CRYGN: variants seen among roughly 807,000 people sequenced by gnomAD.
CRYGN encodes the protein gamma-crystallin N.
CRYGN carries 17 observed loss-of-function variants against 19.2 expected under a neutral mutation model. The ratio of observed to expected loss-of-function variants is 0.89; its 90% CI spans 0.61 to 1.33. The LOEUF (loss-of-function observed/expected upper bound fraction) is 1.33. Among genes scored for constraint, CRYGN ranks in the 40% most tolerant of loss-of-function variants. The probability of loss-of-function intolerance (pLI) is 0.00; values close to 1 mark genes in which losing one functional copy is unlikely to be tolerated. For missense variants in CRYGN, 239 were observed against 239.6 expected (o/e 1.00, Z 0.02); for synonymous variants, 84 against 85.8 (o/e 0.98, Z 0.12).
rs1197695969 is a variant in CRYGN, at chr7:151,435,707, C to T, written c.416+473G>A. On this transcript the variant is annotated intron_variant, in intron 3 of 3. Transcript: ENST00000337323. The surrounding 1 kb of genome is among the most constrained non-coding windows in gnomAD (Gnocchi z 4.2). ...TCAGGGGTCAGCTCTGCGGGGTAGGCGCGGGGGCAGGGTGGGCTGGTCCAC... is the reference window on the plus strand; with the variant it reads ...TCAGGGGTCAGCTCTGCGGGGTAGGTGCGGGGGCAGGGTGGGCTGGTCCAC... 2.0e-5 allele frequency among the ~76,000 whole-genome samples: 3 copies of T among 148,422 alleles called. No homozygotes were observed. The highest frequency in any genetic ancestry group is 2.1e-4 in the East Asian group (1 of 4,836).
chr7:151,439,063 C>T (rs1801695018), intron 1 of CRYGN: 2 of 152,224 alleles, frequency 1.3e-5, no homozygotes, highest in Admixed American at 6.5e-5. Flanking sequence ...AGGGTCCTGC[C>T]AGAGTGCAGT....
At position 151,431,479 on chromosome 7, in the gene CRYGN, C is replaced by G. The variant is rs1189039620; in HGVS notation, c.417-1299G>C. Among the ~76,000 whole-genome samples the G allele has an allele frequency of 1.3e-5, 2 of 152,152 alleles. No homozygotes were observed. On this transcript the variant is annotated intron_variant, in intron 3 of 3. Transcript: ENST00000337323. The surrounding 1 kb of genome is among the most constrained non-coding windows in gnomAD (Gnocchi z 4.8). ...GAATTCTACAGGCGAGCGCTTGGTGCTGCACCAGCTGAAGACGCGAGCCGC... is the reference window on the plus strand; with the variant it reads ...GAATTCTACAGGCGAGCGCTTGGTGGTGCACCAGCTGAAGACGCGAGCCGC...
In CRYGN at chr7:151,433,776, G is replaced by A. The variant is rs1030995896; in HGVS notation, c.416+2404C>T. The A allele has an allele frequency of 1.9e-5, 3 of 154,550 alleles. No individual in the cohort carries two copies. The highest frequency in any genetic ancestry group is 4.8e-5 in the African/African-American group (2 of 41,530). The allele number at this position is 154,550 out of a possible 1,614,324, so 9.6% of individuals were successfully genotyped here. On this transcript the variant is annotated intron_variant, in intron 3 of 3. Coordinates refer to ENST00000337323, the MANE Select transcript of CRYGN (RefSeq NM_144727.3). The surrounding 1 kb of genome is among the most constrained non-coding windows in gnomAD (Gnocchi z 5.1). The stretch of plus-strand genomic sequence containing the variant: ...GTTCTCACATGGACACCCCCAAAAG[G>A]AGGGGGCGGGGAACCACCCATCCTG...
At chr7:151,439,641 G>A (rs765039783) in intron 1 of CRYGN, among the ~76,000 whole-genome samples, 3 of 152,152 alleles carry the variant, frequency 2.0e-5, no homozygotes, top group Non-Finnish European at 4.4e-5. Context: ...CAGGGAGTCT[G>A]AACACCCTCC....
At position 151,431,893 on chromosome 7, in the gene CRYGN, C is replaced by T. The variant is rs531587236; in HGVS notation, c.417-1713G>A. Reference sequence around the variant, plus strand: ...AACCGGCCTGGGTTCCGGCCCTGCCCCATCCCCATTGCTTCTCACCACCTC... The same window carrying T: ...AACCGGCCTGGGTTCCGGCCCTGCCTCATCCCCATTGCTTCTCACCACCTC... On this transcript the variant is annotated intron_variant, in intron 3 of 3. Coordinates refer to ENST00000337323, the MANE Select transcript of CRYGN (RefSeq NM_144727.3). This position sits in a 1 kb window ranked among gnomAD's most constrained non-coding sequence, Gnocchi z 4.8. 6 of 287,596 alleles carry T rather than the reference C, an allele frequency of 2.1e-5. No homozygotes were observed. In the East Asian group the frequency reaches 3.3e-4, roughly 16 times the overall value. The allele number at this position is 287,596 out of a possible 1,614,324, so 17.8% of individuals were successfully genotyped here. A position where few individuals can be genotyped will look rare whatever the true frequency, so the allele number is the denominator to read the frequency against.
rs1259367893 is a variant in CRYGN at position 151,440,074 on chromosome 7, C to T, written c.-157G>A. ...GGGCCACCAGGCGGTTGGGACCCGCCGCGGCCACCCTGTGCCACCGCGAGT... is the reference window on the plus strand; with the variant it reads ...GGGCCACCAGGCGGTTGGGACCCGCTGCGGCCACCCTGTGCCACCGCGAGT... On this transcript the variant is annotated 5_prime_UTR_variant, in exon 1 of 4. Transcript: ENST00000337323. 2 of 1,360,394 alleles carry T rather than the reference C, an allele frequency of 1.5e-6. No individual in the cohort carries two copies. Among genetic ancestry groups the T allele is most frequent in the Non-Finnish European group, 1.9e-6 (2 of 1,060,668 alleles). 84.3% of individuals were successfully genotyped at this position (1,360,394 alleles called of 1,614,324 possible). A position where few individuals can be genotyped will look rare whatever the true frequency, so the allele number is the denominator to read the frequency against.
At chr7:151,440,232 TGTCTCTCTA>T, upstream of CRYGN, 1 of 585,768 alleles carries the variant, frequency 1.7e-6, no homozygotes, top group Non-Finnish European at 2.6e-6. Flanking sequence ...GGAGGGGAGG[TGTCTCTCTA>T]GCCCTCCAAC....
intron 1 of CRYGN, chr7:151,439,046 C>G (rs1014221033): frequency 1.3e-5 from 2 of 152,260 alleles, no homozygotes; most frequent in Non-Finnish European, 2.9e-5. Context: ...AGAACTGTGG[C>G]CCTAGAAGGG....
chr7:151,437,831 C>T (rs1801654756), intron 2 of CRYGN, 165 bp downstream of exon 2: 1 of 1,491,940 alleles, frequency 6.7e-7, no homozygotes, highest in Admixed American at 2.1e-5. Flanking sequence ...GGCCCCCCAC[C>T]TACTCACCTC....
rs1195247720 is a variant in CRYGN, at chr7:151,436,454, T to G, written c.271-129A>C. ...CACTGGGCACCCCCACCCCACACAC[T>G]TCAACCCCACACTTCTGTTTGTTCT... On this transcript the variant is annotated intron_variant, in intron 2 of 3. Coordinates refer to ENST00000337323, the MANE Select transcript of CRYGN (RefSeq NM_144727.3). The surrounding 1 kb of genome is among the most constrained non-coding windows in gnomAD (Gnocchi z 5.1). 2 of 662,390 alleles carry G rather than the reference T, an allele frequency of 3.0e-6. No individual in the cohort carries two copies. The highest frequency in any genetic ancestry group is 2.4e-6 in the Non-Finnish European group (1 of 425,158). 41.0% of individuals were successfully genotyped at this position (662,390 alleles called of 1,614,324 possible). A position where few individuals can be genotyped will look rare whatever the true frequency, so the allele number is the denominator to read the frequency against.
In CRYGN at chr7:151,429,389, G is replaced by A. The variant is rs1801416061; in HGVS notation, c.*659C>T. On this transcript the variant is annotated 3_prime_UTR_variant, in exon 4 of 4. Transcript: ENST00000337323. The stretch of plus-strand genomic sequence containing the variant: ...TGGGTCACGCCTTTGGCTTTTACAA[G>A]GGTATACAGTTGGTACAGCAGACAT... The A allele has an allele frequency of 6.5e-6, 1 of 153,758 alleles. No individual in the cohort carries two copies. Among genetic ancestry groups the A allele is most frequent in the Non-Finnish European group, 1.4e-5 (1 of 69,092 alleles). The allele number at this position is 153,758 out of a possible 1,614,324, so 9.5% of individuals were successfully genotyped here. A position where few individuals can be genotyped will look rare whatever the true frequency, so the allele number is the denominator to read the frequency against.
intron 1 of CRYGN, 27 bp downstream of exon 1, chr7:151,439,870 T>G (rs923098844): frequency 1.9e-6 from 3 of 1,552,280 alleles, no homozygotes; most frequent in African/African-American, 1.4e-5. Context: ...CCCACTCGGT[T>G]TCCTTGGGGT....
chr7:151,438,342 C>A, intron 1 of CRYGN, 98 bp from the exon 2 acceptor site: 1 of 1,288,784 alleles, frequency 7.8e-7, no homozygotes, highest in African/African-American at 1.5e-5. Context: ...GGAACCCCTA[C>A]TCCCAGGCCC....
rs1801416015 is a variant in CRYGN, at chr7:151,429,382, T to C, written c.*666A>G. 6.5e-6 allele frequency: 1 copy of C among 153,130 alleles called. No homozygotes were observed. The highest frequency in any genetic ancestry group is 2.4e-5 in the African/African-American group (1 of 41,420). 9.5% of individuals were successfully genotyped at this position (153,130 alleles called of 1,614,324 possible). A position where few individuals can be genotyped will look rare whatever the true frequency, so the allele number is the denominator to read the frequency against. On this transcript the variant is annotated 3_prime_UTR_variant, in exon 4 of 4. Coordinates refer to ENST00000337323, the MANE Select transcript of CRYGN (RefSeq NM_144727.3). ...CCGCTCATGGGTCACGCCTTTGGCT[T>C]TTACAAGGGTATACAGTTGGTACAG...
chr7:151,436,438 C>T lies in CRYGN; in HGVS notation c.271-113G>A. On this transcript the variant is annotated intron_variant, in intron 2 of 3. Coordinates refer to ENST00000337323, the MANE Select transcript of CRYGN (RefSeq NM_144727.3). This position sits in a 1 kb window ranked among gnomAD's most constrained non-coding sequence, Gnocchi z 5.1. ...TAGGAGGTACCCAAGGCACTGGGCACCCCCACCCCACACACTTCAACCCCA... is the reference window on the plus strand; with the variant it reads ...TAGGAGGTACCCAAGGCACTGGGCATCCCCACCCCACACACTTCAACCCCA... The T allele has an allele frequency of 1.1e-6, 1 of 896,296 alleles. No individual in the cohort carries two copies. The highest frequency in any genetic ancestry group is 1.6e-6 in the Non-Finnish European group (1 of 624,754). 55.5% of individuals were successfully genotyped at this position (896,296 alleles called of 1,614,324 possible).
intron 3 of CRYGN, among the ~76,000 whole-genome samples, chr7:151,432,591 G>A (rs550310669): frequency 2.0e-5 from 3 of 152,326 alleles, no homozygotes; most frequent in Admixed American, 2.0e-4. Flanking sequence ...ATCTCTTGTA[G>A]TCAGGAGTTT....
Position 151,433,428 on chromosome 7 carries a change from A to C in CRYGN, c.416+2752T>G, listed in dbSNP as rs1801519319. 1.3e-5 allele frequency: 2 copies of C among 153,708 alleles called. No homozygotes were observed. Among genetic ancestry groups the C allele is most frequent in the Non-Finnish European group, 2.9e-5 (2 of 68,376 alleles). The allele number at this position is 153,708 out of a possible 1,614,324, so 9.5% of individuals were successfully genotyped here. ...GCTGGCCCAACCCTGTCCTTCCCTC[A>C]CCATCTCTGAGACGAGTGAGGCTTG... is the stretch of plus-strand genomic sequence containing the variant. On this transcript the variant is annotated intron_variant, in intron 3 of 3. Transcript: ENST00000337323. The surrounding 1 kb of genome is among the most constrained non-coding windows in gnomAD (Gnocchi z 5.1).
chr7:151,437,733 A>G, intron 2 of CRYGN: 1 of 1,052,390 alleles, frequency 9.5e-7, no homozygotes, highest in Non-Finnish European at 1.3e-6. Context: ...TGGAAAATGC[A>G]GCTAGATTTT....
At chr7:151,432,184 A>G (rs372556056) in intron 3 of CRYGN, 10 of 1,231,586 alleles carry the variant, frequency 8.1e-6, no homozygotes, top group Middle Eastern at 3.1e-4. Context: ...GAGCGACTGC[A>G]CTCGTGCGCT....
Sources: allele counts gnomAD v4.1 joint callset (sites outside exome capture counted in the v4.1 genomes callset), GRCh38; gene constraint gnomAD v4.1.1; non-coding constraint Gnocchi (gnomAD v3.1); transcripts MANE v1.5; gene names NCBI Gene and HGNC (gene_info 2026-07-23, HGNC 2026-07-21).